The following MAST4 variants were observed in gnomAD, a reference collection of about 807,000 sequenced individuals.
MAST4 encodes the protein microtubule associated serine/threonine kinase family member 4, also known as microtubule-associated serine/threonine-protein kinase 4.
A neutral mutation model predicts 162.7 loss-of-function variants in MAST4; 89 were observed. The observed-to-expected ratio is 0.55, with a 90% CI of 0.46 to 0.65. The LOEUF is 0.65. MAST4 is among the 30% of genes least tolerant of loss of function. The pLI is 0.00. For missense variants in MAST4, 3,153 were observed against 3,374.0 expected, an observed-to-expected ratio of 0.93 and a Z score of 1.62; for synonymous variants, 1,479 against 1,361.1, an observed-to-expected ratio of 1.09 and a Z score of -1.91.
rs569767893 is a variant in MAST4, at chr5:66,693,162, A to G, written c.364-66547A>G. ...TGTGAAAGTGTGAATTTAGCAGCCA[A>G]TCCCCCGGGAACTAATGTTTCTTGT... On this transcript the variant is annotated intron_variant, in intron 1 of 28. Coordinates refer to ENST00000403625, the MANE Select transcript of MAST4 (RefSeq NM_001164664.2). 5.8e-4 allele frequency among the ~76,000 whole-genome samples: 88 copies of G among 152,192 alleles called. 2 individuals are homozygous for G. Among genetic ancestry groups the G allele is most frequent in the Non-Finnish European group, 1.1e-3 (73 of 68,014 alleles).
At chr5:67,048,985 A>ATG (rs545215395) in intron 4 of MAST4, among the ~76,000 whole-genome samples, 1,579 of 106,854 alleles carry the variant, frequency 0.015, 26 homozygotes, top group Admixed American at 0.04. Flanking sequence ...ATATATATAT[A>ATG]TGTATATATA....
At chr5:66,706,684 A>G (rs940905355) in intron 1 of MAST4, among the ~76,000 whole-genome samples, 1 of 151,918 alleles carries the variant, frequency 6.6e-6, no homozygotes, top group African/African-American at 2.4e-5. Flanking sequence ...ATCTTCAGTT[A>G]GTCCATTTTA....
chr5:66,795,913 G>C (rs929053616), intron 3 of MAST4, among the ~76,000 whole-genome samples: 4 of 152,272 alleles, frequency 2.6e-5, no homozygotes, highest in East Asian at 1.9e-4. Flanking sequence ...TATAATCAGA[G>C]TCTCTGGAGT....
intron 2 of MAST4, 63 bp from the exon 3 acceptor site, chr5:66,788,607 C>CCAAGCAAAAAAAAAAAAAA: frequency 1.3e-5 from 18 of 1,373,688 alleles, no homozygotes; most frequent in East Asian, 5.4e-5. Context: ...CCCCCACCCC[C>CCAAGCAAAAAAAAAAAAAA]ATTGCAATAA....
chr5:66,993,309 C>G (rs1012410572), intron 4 of MAST4, among the ~76,000 whole-genome samples: 20 of 152,086 alleles, frequency 1.3e-4, no homozygotes. Context: ...TTTAGTTAAC[C>G]TTAGAAAAAT....
At chr5:66,799,243 A>G (rs1755799382) in intron 3 of MAST4, among the ~76,000 whole-genome samples, 1 of 152,166 alleles carries the variant, frequency 6.6e-6, no homozygotes, top group Admixed American at 6.5e-5. Context: ...TGCCTGGACA[A>G]TACCTGTCTG....
At chr5:66,621,692 A>T (rs1424195598) in intron 1 of MAST4, among the ~76,000 whole-genome samples, 1 of 152,204 alleles carries the variant, frequency 6.6e-6, no homozygotes, top group African/African-American at 2.4e-5. Flanking sequence ...CTACCCAACA[A>T]ATACTAATTG....
Position 66,721,748 on chromosome 5 carries a change from C to T in MAST4, c.364-37961C>T, listed in dbSNP as rs192905879. On this transcript the variant is annotated intron_variant, in intron 1 of 28. Coordinates refer to ENST00000403625, the MANE Select transcript of MAST4 (RefSeq NM_001164664.2). ...ATCTCGAATGCCTGGTAGGTACCTC[C>T]AACTTAATCTGTGTTCTGAACTGAA... is the stretch of plus-strand genomic sequence containing the variant. 5.3e-5 allele frequency among the ~76,000 whole-genome samples: 8 copies of T among 151,238 alleles called. No homozygotes were observed. In the East Asian group the frequency reaches 1.6e-3, roughly 29 times the overall value.
rs1774189731 is a variant in MAST4, at chr5:67,167,498, A to T, written c.*447A>T. ...CAAAACTGGGTGTGTGTGAACAGAG[A>T]TACACCCATATTCGTGTATATACAC... On this transcript the variant is annotated 3_prime_UTR_variant, in exon 29 of 29. Transcript: ENST00000403625. 6.5e-6 allele frequency: 1 copy of T among 153,354 alleles called. No individual in the cohort carries two copies. The highest frequency in any genetic ancestry group is 2.4e-5 in the African/African-American group (1 of 41,474). The allele number at this position is 153,354 out of a possible 1,614,324, so 9.5% of individuals were successfully genotyped here. A position where few individuals can be genotyped will look rare whatever the true frequency, so the allele number is the denominator to read the frequency against.
At chr5:67,048,001 A>C (rs983810223) in intron 4 of MAST4, among the ~76,000 whole-genome samples, 3 of 152,256 alleles carry the variant, frequency 2.0e-5, no homozygotes, top group Non-Finnish European at 4.4e-5. Flanking sequence ...GGGAGAAGAC[A>C]ACAGAATGTA....
At position 67,104,563 on chromosome 5, in the gene MAST4, G is replaced by C. The variant is rs1465279267; in HGVS notation, c.1344G>C (p.Lys448Asn). 2 of 1,612,844 alleles carry C rather than the reference G, an allele frequency of 1.2e-6. No homozygotes were observed. The highest frequency in any genetic ancestry group is 1.7e-6 in the Non-Finnish European group (2 of 1,179,232). ...YFLELQHKLD[K>N]LLQEAHDRSE... Reference sequence around the variant, plus strand: ...TTGAATTACAGCACAAATTAGATAAGTTGCTACAGGAGGTAAGAACCATGT... The same window carrying C: ...TTGAATTACAGCACAAATTAGATAACTTGCTACAGGAGGTAAGAACCATGT... The change falls in exon 10 of 29, where the codon AAG becomes AAC. Residue 448 changes from lysine (K) to asparagine (N), a missense_variant. Physicochemically the swap from Lys to Asn is moderately conservative, Grantham distance 94 (BLOSUM62 0). Around this residue, in one of 7 missense-constraint regions of MAST4, gnomAD observed 360 missense variants for 450.0 expected, o/e 0.80. Coordinates refer to ENST00000403625, the MANE Select transcript of MAST4 (RefSeq NM_001164664.2).
chr5:67,024,124 C>T (rs1754325965), intron 4 of MAST4, among the ~76,000 whole-genome samples: 1 of 150,110 alleles, frequency 6.7e-6, no homozygotes, highest in South Asian at 2.1e-4. Flanking sequence ...TTTGACTACT[C>T]TAGGTACCTC....
At chr5:66,676,237 G>A (rs183338237) in intron 1 of MAST4, among the ~76,000 whole-genome samples, 44 of 152,326 alleles carry the variant, frequency 2.9e-4, no homozygotes, top group African/African-American at 1.0e-3. Context: ...TGGTGTGTCC[G>A]TGGAGGGGAA....
intron 2 of MAST4, among the ~76,000 whole-genome samples, chr5:66,760,077 C>CAATTAATTTATTTATT (rs58766667): frequency 6.8e-6 from 1 of 147,174 alleles, no homozygotes; most frequent in African/African-American, 2.5e-5. Flanking sequence ...ACAATATCCC[C>CAATTAATTTATTTATT]TATTTATTTA....
chr5:66,754,075 GA>G (rs1180790145), intron 1 of MAST4, among the ~76,000 whole-genome samples: 2 of 152,032 alleles, frequency 1.3e-5, no homozygotes, highest in African/African-American at 4.8e-5. Flanking sequence ...AATAGATGCA[GA>G]AAAGGCCTTT....
At chr5:67,070,196 A>C (rs1385770746) in intron 5 of MAST4, among the ~76,000 whole-genome samples, 4 of 152,184 alleles carry the variant, frequency 2.6e-5, no homozygotes, top group Non-Finnish European at 4.4e-5. Context: ...CCAAAAGAGA[A>C]GGACCAAATG....
intron 3 of MAST4, among the ~76,000 whole-genome samples, chr5:66,798,059 CTT>C (rs1358302409): frequency 6.6e-6 from 1 of 152,106 alleles, no homozygotes. Context: ...TTAAGCTAGT[CTT>C]TTTAATTTAG....
intron 4 of MAST4, among the ~76,000 whole-genome samples, chr5:66,974,530 A>G (rs1461775008): frequency 6.6e-6 from 1 of 152,226 alleles, no homozygotes; most frequent in Non-Finnish European, 1.5e-5. Context: ...ATTCAGAAGT[A>G]TTACTAACAA....
chr5:66,933,627 C>T (rs1742405014), intron 4 of MAST4, among the ~76,000 whole-genome samples: 1 of 152,146 alleles, frequency 6.6e-6, no homozygotes. Flanking sequence ...TCTTAGGCTT[C>T]TTGTGGTACT....
Sources: allele counts gnomAD v4.1 joint callset (sites outside exome capture counted in the v4.1 genomes callset), GRCh38; gene constraint gnomAD v4.1.1; regional missense constraint gnomAD v4.1.1; transcripts MANE v1.5; gene names NCBI Gene and HGNC (gene_info 2026-07-23, HGNC 2026-07-21).